Variants in STON2 observed in about 807,000 individuals in gnomAD.
The protein encoded by STON2 is stonin-2.
A neutral mutation model predicts 65.7 loss-of-function variants in STON2; 29 were observed. That is an observed-to-expected ratio of 0.44 (90% CI 0.33 to 0.60). The LOEUF is 0.60. Ranked by LOEUF, STON2 falls within the 20% of genes least tolerant of loss-of-function variation. The pLI is 0.03. For missense variants in STON2, 1,054 were observed against 1,118.1 expected (o/e 0.94, Z 0.82); for synonymous variants, 404 against 414.2 (o/e 0.98, Z 0.30).
At position 81,261,102 on chromosome 14, in the gene STON2, G is replaced by A. The variant is rs1039720153; in HGVS notation, c.*7312C>T. 1.3e-5 allele frequency: 2 copies of A among 152,152 alleles called. No individual in the cohort carries two copies. Among genetic ancestry groups the A allele is most frequent in the Non-Finnish European group, 2.9e-5 (2 of 68,038 alleles). 9.4% of individuals were successfully genotyped at this position (152,152 alleles called of 1,614,324 possible). A position where few individuals can be genotyped will look rare whatever the true frequency, so the allele number is the denominator to read the frequency against. ...AAAGTTAAATGAATGCTGGCTTAAG[G>A]TCAGAGGAGTTCATATCCTTCTCTT... On this transcript the variant is annotated 3_prime_UTR_variant, in exon 8 of 8. Transcript: ENST00000614646.
chr14:81,384,882 T>C (rs1899718000), intron 3 of STON2, among the ~76,000 whole-genome samples: 1 of 152,244 alleles, frequency 6.6e-6, no homozygotes, highest in Admixed American at 6.5e-5. Flanking sequence ...TGCCCATCCA[T>C]GCACAGAAAA....
chr14:81,321,425 TG>T (rs1896818001), intron 5 of STON2, among the ~76,000 whole-genome samples: 1 of 139,098 alleles, frequency 7.2e-6, no homozygotes, highest in Non-Finnish European at 1.6e-5. Flanking sequence ...GATGGTAGAG[TG>T]GTGGCCACAG....
rs1894967701 is a variant in STON2 at position 81,278,519 on chromosome 14, A to C, written c.963T>G (p.Asp321Glu). The change falls in exon 6 of 8, where the codon GAT (aspartate) becomes GAG (glutamate). Residue 321 changes from aspartate to glutamate, a missense_variant. Asp to Glu is a conservative substitution (Grantham distance 45). Transcript: ENST00000614646. ...ATGATCCCATTGAATTATAAGGTAC[A>C]TCTGGGATCACAGATGCACTTGGTG... ...NTPPSASVIPDVPYNSMGSFK... is the reference protein window; with the variant it reads ...NTPPSASVIPEVPYNSMGSFK... The C allele has an allele frequency of 1.2e-6, 2 of 1,614,110 alleles. No individual in the cohort carries two copies. Among genetic ancestry groups the C allele is most frequent in the South Asian group, 2.2e-5 (2 of 91,052 alleles).
intron 3 of STON2, among the ~76,000 whole-genome samples, chr14:81,375,788 G>C (rs2140379479): frequency 6.6e-6 from 1 of 151,538 alleles, no homozygotes; most frequent in South Asian, 2.1e-4. Context: ...GCCATCACTT[G>C]ACATGAAGCA....
At chr14:81,368,734 G>T (rs1167233916) in intron 4 of STON2, among the ~76,000 whole-genome samples, 1 of 152,052 alleles carries the variant, frequency 6.6e-6, no homozygotes, top group Admixed American at 6.6e-5. Context: ...AAACAAAAAA[G>T]AGGATGGTTG....
intron 4 of STON2, among the ~76,000 whole-genome samples, chr14:81,369,263 A>T (rs930389010): frequency 6.6e-6 from 1 of 152,130 alleles, no homozygotes; most frequent in Non-Finnish European, 1.5e-5. Context: ...ACAGGGGAGG[A>T]GGTTTTCTTG....
intron 4 of STON2, among the ~76,000 whole-genome samples, chr14:81,353,823 T>C (rs1184887669): frequency 1.3e-5 from 2 of 152,010 alleles, no homozygotes; most frequent in Non-Finnish European, 2.9e-5. Context: ...GCAAACAGGA[T>C]GTAGACCTTG....
intron 4 of STON2, among the ~76,000 whole-genome samples, chr14:81,360,972 T>C (rs151314393): frequency 2.6e-5 from 4 of 152,144 alleles, no homozygotes; most frequent in African/African-American, 9.6e-5. Context: ...AACTATAAAA[T>C]ATTGATGAAA....
chr14:81,309,771 G>A (rs1896351817), intron 5 of STON2, among the ~76,000 whole-genome samples: 1 of 152,210 alleles, frequency 6.6e-6, no homozygotes, highest in South Asian at 2.1e-4. Flanking sequence ...ATAATAGGCA[G>A]GCATGTATTT....
At chr14:81,353,057 C>T (rs182129718) in intron 4 of STON2, among the ~76,000 whole-genome samples, 25 of 152,214 alleles carry the variant, frequency 1.6e-4, no homozygotes, top group African/African-American at 6.0e-4. Context: ...GTAATATTCT[C>T]AAATATGTAA....
chr14:81,333,448 T>C (rs1426285325), intron 4 of STON2: 1 of 304,284 alleles, frequency 3.3e-6, no homozygotes, highest in Non-Finnish European at 6.1e-6. Context: ...AACAACCCTA[T>C]GAAATCGTTA....
chr14:81,314,424 T>G (rs1896547306), intron 5 of STON2, among the ~76,000 whole-genome samples: 1 of 152,260 alleles, frequency 6.6e-6, no homozygotes, highest in South Asian at 2.1e-4. Flanking sequence ...CTGTGCTGTT[T>G]GTGAAGAAAG....
At chr14:81,322,587 C>CA (rs1896860411) in intron 5 of STON2, among the ~76,000 whole-genome samples, 1 of 152,144 alleles carries the variant, frequency 6.6e-6, no homozygotes, top group South Asian at 2.1e-4. Flanking sequence ...ACCACAGGAA[C>CA]ACTGGGCATG....
chr14:81,398,399 T>C lies in STON2; in HGVS notation c.-17A>G. ...AGTCGTCATGCTAAAAAGGCACTGGTCATCTTCACACTGCTGACCTCAGGT... is the reference window on the plus strand; with the variant it reads ...AGTCGTCATGCTAAAAAGGCACTGGCCATCTTCACACTGCTGACCTCAGGT... On this transcript the variant is annotated 5_prime_UTR_variant, in exon 2 of 8. Transcript: ENST00000614646. The C allele has an allele frequency of 6.2e-7, 1 of 1,607,036 alleles. No individual in the cohort carries two copies. Among genetic ancestry groups the C allele is most frequent in the East Asian group, 2.2e-5 (1 of 44,822 alleles).
chr14:81,335,607 G>C (rs1446282828), intron 4 of STON2, among the ~76,000 whole-genome samples: 1 of 152,186 alleles, frequency 6.6e-6, no homozygotes, highest in Non-Finnish European at 1.5e-5. Context: ...ACAGAGGAAA[G>C]AGCTGAAGGG....
Position 81,261,896 on chromosome 14 carries a change from A to G in STON2, c.*6518T>C. 2 of 1,527,972 alleles carry G rather than the reference A, an allele frequency of 1.3e-6. No homozygotes were observed. The highest frequency in any genetic ancestry group is 2.5e-5 in the East Asian group (1 of 40,690). The allele number at this position is 1,527,972 out of a possible 1,614,324, so 94.7% of individuals were successfully genotyped here. ...AATCTGTGTGTGGAAGGCAACTGCA[A>G]TATAGAGGATTTGGAAGGTTGTCTG... On this transcript the variant is annotated 3_prime_UTR_variant, in exon 8 of 8. Transcript: ENST00000614646.
At chr14:81,281,277 C>T (rs1173916709) in intron 5 of STON2, among the ~76,000 whole-genome samples, 5 of 152,112 alleles carry the variant, frequency 3.3e-5, no homozygotes, top group Admixed American at 1.3e-4. Flanking sequence ...CCTACACTTA[C>T]AGTATTTATA....
intron 4 of STON2, among the ~76,000 whole-genome samples, chr14:81,365,470 G>A (rs1898678097): frequency 6.6e-6 from 1 of 152,142 alleles, no homozygotes; most frequent in Non-Finnish European, 1.5e-5. Context: ...ATAAAAGAGA[G>A]CCTGGACAGG....
intron 4 of STON2, among the ~76,000 whole-genome samples, chr14:81,366,037 T>C (rs1342111296): frequency 1.3e-5 from 2 of 151,992 alleles, no homozygotes; most frequent in African/African-American, 2.4e-5. Context: ...AGGAGTGAAA[T>C]GTTGTTTGGG....
Sources: allele counts gnomAD v4.1 joint callset (sites outside exome capture counted in the v4.1 genomes callset), GRCh38; gene constraint gnomAD v4.1.1; transcripts MANE v1.5; gene names NCBI Gene and HGNC (gene_info 2026-07-23, HGNC 2026-07-21).